The following VAV2 variants were observed in gnomAD, a reference collection of about 807,000 sequenced individuals.
VAV2 encodes guanine nucleotide exchange factor VAV2.
A neutral mutation model predicts 132.5 loss-of-function variants in VAV2; 67 were observed. The ratio of observed to expected loss-of-function variants is 0.51; its 90% CI spans 0.42 to 0.62. The LOEUF (loss-of-function observed/expected upper bound fraction) is 0.62. Among genes scored for constraint, VAV2 ranks in the 20% least tolerant of loss-of-function variants. The pLI, the probability that VAV2 is intolerant of heterozygous loss-of-function variation, is 0.00. For synonymous variants in VAV2, 492 were observed against 443.5 expected (o/e 1.11, Z -1.37); for missense variants, 938 against 1,153.6 (o/e 0.81, Z 2.71).
intron 9 of VAV2, among the ~76,000 whole-genome samples, chr9:133,803,935 C>A (rs1835037091): frequency 6.6e-6 from 1 of 152,202 alleles, no homozygotes; most frequent in Non-Finnish European, 1.5e-5. Flanking sequence ...CGCCCCACCC[C>A]TGCAGGACTG....
In VAV2 at chr9:133,872,430, G is replaced by A. The variant is rs115201005; in HGVS notation, c.322-10998C>T. ...AGGGCTGATGGCGTCCTCACTCCGC[G>A]CACCGTCTTTTCCCCACTGCAGTCA... On this transcript the variant is annotated intron_variant, in intron 2 of 29. Coordinates refer to ENST00000371850, the MANE Select transcript of VAV2 (RefSeq NM_001134398.2). 8.3e-3 allele frequency among the ~76,000 whole-genome samples: 1,257 copies of A among 152,280 alleles called. 14 individuals are homozygous for A. Among genetic ancestry groups the A allele is most frequent in the African/African-American group, 0.028 (1,167 of 41,532 alleles).
intron 2 of VAV2, among the ~76,000 whole-genome samples, chr9:133,895,716 AGTG>A (rs1462815176): frequency 6.6e-6 from 1 of 152,210 alleles, no homozygotes; most frequent in Non-Finnish European, 1.5e-5. Context: ...TTTTAAAATT[AGTG>A]GTGGATACAT....
chr9:133,964,050 C>T (rs4744539), intron 1 of VAV2, among the ~76,000 whole-genome samples: 13,647 of 82,608 alleles, frequency 0.17, 1,293 homozygotes, highest in African/African-American at 0.25. Context: ...TATATATATA[C>T]ATATATATAC....
chr9:133,908,761 C>T (rs1429241859), intron 2 of VAV2, among the ~76,000 whole-genome samples: 2 of 152,246 alleles, frequency 1.3e-5, no homozygotes, highest in Non-Finnish European at 2.9e-5. Context: ...CTGAGGCAGA[C>T]GCAGCTACAA....
chr9:133,796,703 G>A (rs1482784369), intron 10 of VAV2, among the ~76,000 whole-genome samples, 179 bp from the exon 11 acceptor site: 1 of 152,084 alleles, frequency 6.6e-6, no homozygotes, highest in Non-Finnish European at 1.5e-5. Context: ...AGAGGGGGGG[G>A]CTTCACAACA....
At chr9:133,838,429 G>C (rs1362506774) in intron 3 of VAV2, among the ~76,000 whole-genome samples, 3 of 138,398 alleles carry the variant, frequency 2.2e-5, no homozygotes. Context: ...ATGGATGTGT[G>C]GATGGATGAA....
At chr9:133,878,181 A>C (rs1838340260) in intron 2 of VAV2, among the ~76,000 whole-genome samples, 1 of 152,216 alleles carries the variant, frequency 6.6e-6, no homozygotes, top group Non-Finnish European at 1.5e-5. Context: ...CTCCGGGTGT[A>C]CCACGGGGCA....
intron 7 of VAV2, 80 bp from the exon 8 acceptor site, chr9:133,807,406 CAGGGCAGCTCCGAGGCAGGCACT>C: frequency 6.9e-7 from 1 of 1,450,990 alleles, no homozygotes; most frequent in South Asian, 1.4e-5. Flanking sequence ...GGGAGGGTCC[CAGGGCAGCTCCGAGGCAGGCACT>C]GGGGTGCTCC....
chr9:133,785,843 C>A lies in VAV2; in HGVS notation c.1465G>T (p.Gly489Cys). 6.2e-7 allele frequency: 1 copy of A among 1,614,050 alleles called. No homozygotes were observed. Among genetic ancestry groups the A allele is most frequent in the South Asian group, 1.1e-5 (1 of 91,078 alleles). ...FYLIHLQGKQGFQFFCKTEDM... is the reference protein window; with the variant it reads ...FYLIHLQGKQCFQFFCKTEDM... ...TCTGTTTTGCAGAAAAACTGGAAGC[C>A]CTGCTTTCCTTGAAGGTGAATTAGG... Residue 489 changes from glycine to cysteine, a missense_variant, in exon 17 of 30, where the codon GGC (glycine) becomes TGC (cysteine). Gly to Cys is a radical substitution (Grantham distance 159, BLOSUM62 -3). Transcript: ENST00000371850.
rs1839925156 is a variant in VAV2 at position 133,912,666 on chromosome 9, C to T, written c.321+26437G>A. 6.6e-6 allele frequency among the ~76,000 whole-genome samples: 1 copy of T among 152,174 alleles called. No individual in the cohort carries two copies. The highest frequency in any genetic ancestry group is 1.5e-5 in the Non-Finnish European group (1 of 68,034). On this transcript the variant is annotated intron_variant, in intron 2 of 29. Coordinates refer to ENST00000371850, the MANE Select transcript of VAV2 (RefSeq NM_001134398.2). This position sits in a 1 kb window ranked among gnomAD's most constrained non-coding sequence, Gnocchi z 4.3. The stretch of plus-strand genomic sequence containing the variant: ...ACGTGTGCACAGCACTCCCGAGGCG[C>T]TCCCAAGCTGTCAGGCAGCCATCCT...
At chr9:133,838,837 T>TGGTGGATGGATGAATGGGTGGGTGGGTG (rs1443036899) in intron 3 of VAV2, among the ~76,000 whole-genome samples, 1 of 59,758 alleles carries the variant, frequency 1.7e-5, no homozygotes, top group Non-Finnish European at 2.9e-5. Flanking sequence ...GTGAGTGGGT[T>TGGTGGATGGATGAATGGGTGGGTGGGTG]GGTGGATGGA....
intron 1 of VAV2, among the ~76,000 whole-genome samples, chr9:133,983,884 T>C (rs1201182971): frequency 1.3e-5 from 2 of 151,444 alleles, no homozygotes; most frequent in African/African-American, 4.9e-5. Context: ...TTTTCGTTAC[T>C]GTCCCTCCAA....
chr9:133,806,273 T>C (rs1835139415), intron 8 of VAV2, 92 bp from the exon 9 acceptor site: 1 of 1,283,880 alleles, frequency 7.8e-7, no homozygotes, highest in Admixed American at 2.1e-5. Flanking sequence ...GTTCTGTAGT[T>C]CCCTCAAGGA....
chr9:133,819,241 G>A (rs10993813), intron 4 of VAV2, among the ~76,000 whole-genome samples: 31,836 of 151,506 alleles, frequency 0.21, 3,660 homozygotes, highest in African/African-American at 0.26. Flanking sequence ...TCAGGAGATC[G>A]AGACCATCCT....
chr9:133,769,526 G>C lies in VAV2; in HGVS notation c.2348-23C>G, dbSNP rs368959243. ...AAGCTGCAAAGAGGCGAGAGAGAACGTGAGGCGGGCAGCAGGGCATCCACG... is the reference window on the plus strand; with the variant it reads ...AAGCTGCAAAGAGGCGAGAGAGAACCTGAGGCGGGCAGCAGGGCATCCACG... On this transcript the variant is annotated intron_variant, in intron 27 of 29. Coordinates refer to ENST00000371850, the MANE Select transcript of VAV2 (RefSeq NM_001134398.2). This position sits in a 1 kb window ranked among gnomAD's most constrained non-coding sequence, Gnocchi z 8.1. The C allele has an allele frequency of 1.2e-6, 2 of 1,602,418 alleles. No individual in the cohort carries two copies. The highest frequency in any genetic ancestry group is 8.5e-7 in the Non-Finnish European group (1 of 1,174,342).
At position 133,824,994 on chromosome 9, in the gene VAV2, C is replaced by T. The variant is rs1835928665; in HGVS notation, c.449+9278G>A. Among the ~76,000 whole-genome samples the T allele has an allele frequency of 6.6e-6, 1 of 152,220 alleles. No homozygotes were observed. Among genetic ancestry groups the T allele is most frequent in the Non-Finnish European group, 1.5e-5 (1 of 68,028 alleles). ...CTGCCAGTCCCCACAGAGGCCTGGC[C>T]TCACAGAGTCACACCGAGGAGCAAG... On this transcript the variant is annotated intron_variant, in intron 4 of 29. Transcript: ENST00000371850. The surrounding 1 kb of genome is among the most constrained non-coding windows in gnomAD (Gnocchi z 5.2).
rs557312087 is a variant in VAV2, at chr9:133,826,122, T to G, written c.449+8150A>C. On this transcript the variant is annotated intron_variant, in intron 4 of 29. Transcript: ENST00000371850. This position sits in a 1 kb window ranked among gnomAD's most constrained non-coding sequence, Gnocchi z 4.2. ...AGCAGGCTCCTAAATCATAAAATTG[T>G]GGATTCCTCAAGCTCAGTGGGATTC... 2.0e-5 allele frequency among the ~76,000 whole-genome samples: 3 copies of G among 152,340 alleles called. No individual in the cohort carries two copies. Among genetic ancestry groups the G allele is most frequent in the Admixed American group, 2.0e-4 (3 of 15,306 alleles).
chr9:133,911,595 C>T (rs1197951281), intron 2 of VAV2, among the ~76,000 whole-genome samples: 2 of 152,174 alleles, frequency 1.3e-5, no homozygotes, highest in African/African-American at 2.4e-5. Flanking sequence ...CCACTGGTGA[C>T]CCCCCACTGT....
At chr9:133,770,624 G>C (rs1588152682) in intron 26 of VAV2, 123 bp from the exon 27 acceptor site, 5 of 1,435,156 alleles carry the variant, frequency 3.5e-6, no homozygotes, top group East Asian at 2.5e-5. Flanking sequence ...GGACTCCTCA[G>C]AACTCCCCAC....
Sources: allele counts gnomAD v4.1 joint callset (sites outside exome capture counted in the v4.1 genomes callset), GRCh38; gene constraint gnomAD v4.1.1; non-coding constraint Gnocchi (gnomAD v3.1); transcripts MANE v1.5; gene names NCBI Gene and HGNC (gene_info 2026-07-23, HGNC 2026-07-21).